JAKMIP2: variants seen among roughly 807,000 people sequenced by gnomAD.
JAKMIP2 encodes janus kinase and microtubule interacting protein 2.
A neutral mutation model predicts 115.0 loss-of-function variants in JAKMIP2; 25 were observed. That is an observed-to-expected ratio of 0.22 (90% CI 0.16 to 0.30). The LOEUF (loss-of-function observed/expected upper bound fraction) is 0.30, where lower values mean the gene tolerates loss of function less well. JAKMIP2 is among the 10% of genes least tolerant of loss of function. JAKMIP2 has a pLI of 1.00. For missense variants in JAKMIP2, 642 were observed against 957.6 expected (o/e 0.67, Z 4.35); for synonymous variants, 334 against 343.6 (o/e 0.97, Z 0.31).
At chr5:147,720,409 G>A (rs934461116) in intron 1 of JAKMIP2, among the ~76,000 whole-genome samples, 1 of 148,796 alleles carries the variant, frequency 6.7e-6, no homozygotes, top group Non-Finnish European at 1.5e-5. Context: ...TTGCTAGATT[G>A]GGGAAGTTCT....
In JAKMIP2 at chr5:147,632,735, A is replaced by T. The variant is rs1341691459; in HGVS notation, c.1721T>A (p.Leu574Gln). 6.2e-7 allele frequency: 1 copy of T among 1,613,342 alleles called. No homozygotes were observed. The highest frequency in any genetic ancestry group is 1.3e-5 in the African/African-American group (1 of 74,864). ...CTCATTCTGGTCTCTGGCGTCCTGTAGTTCTTGTTGTAACCGGTGATTTTC... is the reference window on the plus strand; with the variant it reads ...CTCATTCTGGTCTCTGGCGTCCTGTTGTTCTTGTTGTAACCGGTGATTTTC... ...EAENHRLQQELQDARDQNELL... is the reference protein window; with the variant it reads ...EAENHRLQQEQQDARDQNELL... Residue 574 changes from leucine to glutamine, a missense_variant, in exon 13 of 22, where the codon CTA (leucine) becomes CAA (glutamine). By Grantham distance (113) the Leu-to-Gln change is moderately radical. Around this residue, in one of 6 missense-constraint regions of JAKMIP2, gnomAD observed 103 missense variants for 177.6 expected, o/e 0.58. Coordinates refer to ENST00000616793, the MANE Select transcript of JAKMIP2 (RefSeq NM_001270941.2).
intron 20 of JAKMIP2, among the ~76,000 whole-genome samples, 166 bp from the exon 21 acceptor site, chr5:147,601,977 C>A (rs1253682466): frequency 6.6e-6 from 1 of 152,168 alleles, no homozygotes; most frequent in Non-Finnish European, 1.5e-5. Flanking sequence ...TAGCTACTGA[C>A]AGAGTATCAG....
intron 2 of JAKMIP2, among the ~76,000 whole-genome samples, chr5:147,670,588 A>T (rs1008036965): frequency 6.6e-6 from 1 of 152,308 alleles, no homozygotes; most frequent in South Asian, 2.1e-4. Flanking sequence ...CTAGTTAGCA[A>T]CTGACTTAAA....
chr5:147,721,966 G>C (rs939587072), intron 1 of JAKMIP2, among the ~76,000 whole-genome samples: 3 of 152,098 alleles, frequency 2.0e-5, no homozygotes, highest in Non-Finnish European at 4.4e-5. Flanking sequence ...GACCTCTTAG[G>C]AAGCAGTCTC....
At chr5:147,647,676 T>C (rs1157626415) in intron 5 of JAKMIP2, among the ~76,000 whole-genome samples, 1 of 152,196 alleles carries the variant, frequency 6.6e-6, no homozygotes, top group Non-Finnish European at 1.5e-5. Context: ...TTTTTGTATG[T>C]TGGAAAAGAT....
intron 1 of JAKMIP2, among the ~76,000 whole-genome samples, chr5:147,709,966 G>A (rs1178241321): frequency 6.6e-6 from 1 of 152,130 alleles, no homozygotes. Context: ...CAATGTGCAT[G>A]CCTCATGTCT....
chr5:147,610,118 T>C (rs1756237803), intron 20 of JAKMIP2, among the ~76,000 whole-genome samples: 1 of 152,210 alleles, frequency 6.6e-6, no homozygotes, highest in African/African-American at 2.4e-5. Flanking sequence ...TTACATTGGG[T>C]TATAACATGC....
At chr5:147,700,038 G>C (rs1192084141) in intron 1 of JAKMIP2, among the ~76,000 whole-genome samples, 1 of 152,114 alleles carries the variant, frequency 6.6e-6, no homozygotes, top group Non-Finnish European at 1.5e-5. Flanking sequence ...TGATCAAAGA[G>C]AAGCAAATTC....
At chr5:147,768,716 C>G (rs1755239751) in intron 1 of JAKMIP2, among the ~76,000 whole-genome samples, 1 of 152,106 alleles carries the variant, frequency 6.6e-6, no homozygotes, top group Non-Finnish European at 1.5e-5. Context: ...ATAATTCACA[C>G]TCTGCTTTTA....
At chr5:147,676,297 C>G (rs1305300909) in intron 1 of JAKMIP2, among the ~76,000 whole-genome samples, 1 of 152,200 alleles carries the variant, frequency 6.6e-6, no homozygotes. Flanking sequence ...GATCACGCCA[C>G]TGCGCTCCAG....
At chr5:147,592,928 G>T (rs761839662) in intron 21 of JAKMIP2, among the ~76,000 whole-genome samples, 7 of 152,192 alleles carry the variant, frequency 4.6e-5, no homozygotes, top group South Asian at 4.1e-4. Flanking sequence ...TGGGATGGAA[G>T]AGTGACAGAG....
intron 1 of JAKMIP2, among the ~76,000 whole-genome samples, chr5:147,724,480 T>C (rs752508329): frequency 4.3e-4 from 66 of 152,232 alleles, no homozygotes; most frequent in Non-Finnish European, 9.3e-4. Context: ...GTACTTGTTG[T>C]ACCCAGCATT....
chr5:147,600,588 G>A (rs958490675), intron 21 of JAKMIP2, among the ~76,000 whole-genome samples: 3 of 152,058 alleles, frequency 2.0e-5, no homozygotes, highest in Admixed American at 6.6e-5. Context: ...TAGAATAGCC[G>A]CTGGCCCTTC....
chr5:147,751,256 G>GT (rs59032563), intron 1 of JAKMIP2, among the ~76,000 whole-genome samples: 19,058 of 131,456 alleles, frequency 0.14, 1,413 homozygotes, highest in Middle Eastern at 0.19. Context: ...TTTTGTTGTT[G>GT]TTTTTTTTTT....
chr5:147,687,975 T>C (rs12054929), intron 1 of JAKMIP2, among the ~76,000 whole-genome samples: 3 of 152,060 alleles, frequency 2.0e-5, no homozygotes, highest in African/African-American at 7.2e-5. Context: ...TTGAGAGCCT[T>C]TGATGTGTCT....
intron 1 of JAKMIP2, among the ~76,000 whole-genome samples, chr5:147,769,509 C>A (rs748406428): frequency 6.6e-6 from 1 of 151,982 alleles, no homozygotes; most frequent in Non-Finnish European, 1.5e-5. Context: ...GGATTTTTGT[C>A]TTATTACCAT....
chr5:147,766,876 A>G (rs752415610), intron 1 of JAKMIP2, among the ~76,000 whole-genome samples: 5 of 152,122 alleles, frequency 3.3e-5, no homozygotes, highest in Non-Finnish European at 7.4e-5. Flanking sequence ...GAATGCTCTT[A>G]CCTTGGGGGT....
chr5:147,640,267 T>C (rs1757820198), intron 9 of JAKMIP2, among the ~76,000 whole-genome samples: 1 of 152,154 alleles, frequency 6.6e-6, no homozygotes, highest in Non-Finnish European at 1.5e-5. Context: ...GGTGTTTCAC[T>C]CCTAAGATCC....
intron 19 of JAKMIP2, among the ~76,000 whole-genome samples, chr5:147,615,690 T>C (rs1403979656): frequency 6.6e-6 from 1 of 152,218 alleles, no homozygotes; most frequent in African/African-American, 2.4e-5. Context: ...CTATTTATTA[T>C]GATATATCAT....
Sources: allele counts gnomAD v4.1 joint callset (sites outside exome capture counted in the v4.1 genomes callset), GRCh38; gene constraint gnomAD v4.1.1; regional missense constraint gnomAD v4.1.1; transcripts MANE v1.5; gene names NCBI Gene and HGNC (gene_info 2026-07-23, HGNC 2026-07-21).